Variants in CHD8 observed in about 807,000 individuals in gnomAD.
The protein encoded by CHD8 is ATP-dependent chromatin remodeler CHD8.
Under a neutral mutation model 279.2 loss-of-function variants are expected in CHD8, and 31 were observed. That is an observed-to-expected ratio of 0.11 (90% confidence interval 0.08 to 0.15). The LOEUF is 0.15. Among genes scored for constraint, CHD8 ranks in the 10% least tolerant of loss-of-function variants. The probability of loss-of-function intolerance (pLI) is 1.00; values close to 1 mark genes in which losing one functional copy is unlikely to be tolerated. For missense variants in CHD8, 2,146 were observed against 3,230.5 expected (o/e 0.66, Z 8.14); for synonymous variants, 1,081 against 1,139.6 (o/e 0.95, Z 1.04).
At chr14:21,395,228 C>T in intron 29 of CHD8, 70 bp downstream of exon 29, 1 of 1,529,374 alleles carries the variant, frequency 6.5e-7, no homozygotes, top group Admixed American at 1.8e-5. Context: ...CAGGATAGGA[C>T]AGAATTCAGT....
At chr14:21,394,245 T>TC (rs1333555574) in intron 31 of CHD8, 32 bp downstream of exon 31, 2 of 1,612,752 alleles carry the variant, frequency 1.2e-6, no homozygotes, top group African/African-American at 2.7e-5. Flanking sequence ...TCTGTTGGCA[T>TC]CCATCCTCAC....
Position 21,391,554 on chromosome 14 carries a change from A to G in CHD8, c.6974T>C (p.Leu2325Ser), listed in dbSNP as rs759875847. 1.2e-6 allele frequency: 2 copies of G among 1,613,894 alleles called. No individual in the cohort carries two copies. The highest frequency in any genetic ancestry group is 3.3e-5 in the Admixed American group (2 of 59,984). Reference sequence around the variant, plus strand: ...GCGAGGGGCATCCTCACCCACCAGCAAAGTACCATCCACCTTATTGATGAC... The same window carrying G: ...GCGAGGGGCATCCTCACCCACCAGCGAAGTACCATCCACCTTATTGATGAC... ...IPVINKVDGT[L>S]LVGEDAPRRA... Residue 2325 changes from leucine to serine, a missense_variant, in exon 36 of 38, where the codon TTG (leucine) becomes TCG (serine). Leu to Ser is a moderately radical substitution (Grantham distance 145). Transcript: ENST00000646647.
At chr14:21,451,738 A>C (rs2139576093) in intron 1 of CHD8, among the ~76,000 whole-genome samples, 1 of 152,212 alleles carries the variant, frequency 6.6e-6, no homozygotes, top group South Asian at 2.1e-4. Flanking sequence ...AGATATTTTG[A>C]AGTTGACCAT....
At chr14:21,428,836 C>G in intron 3 of CHD8, 128 bp downstream of exon 3, 1 of 750,126 alleles carries the variant, frequency 1.3e-6, no homozygotes. Flanking sequence ...AGAATTAAGT[C>G]TGCACCTCAG....
rs1375655827 is a variant in CHD8, at chr14:21,415,537, ATAAATAAAAAT to A, written c.1968+26_1968+36del. 62 of 1,042,522 alleles carry A rather than the reference ATAAATAAAAAT, an allele frequency of 5.9e-5. 1 individual carries two copies. In the African/African-American group the frequency reaches 1.1e-3, roughly 19 times the overall value. The allele number at this position is 1,042,522 out of a possible 1,614,324, so 64.6% of individuals were successfully genotyped here. ...AATAAATAAATAAATAAATAAATAA[ATAAATAAAAAT>A]AATAATAATAATAAAAAGCCCTCAC... On this transcript the variant is annotated intron_variant, in intron 7 of 37. Transcript: ENST00000646647.
At position 21,401,404 on chromosome 14, in the gene CHD8, T is replaced by C; in HGVS notation, c.4172A>G (p.Lys1391Arg). The C allele has an allele frequency of 6.4e-7, 1 of 1,568,818 alleles. No individual in the cohort carries two copies. The highest frequency in any genetic ancestry group is 8.6e-7 in the Non-Finnish European group (1 of 1,156,504). Reference sequence around the variant, plus strand: ...TCCTCCCTAAAAGAAGAAACTCACCTTGCTGTTGAGCAGATCCATGTCTAG... The same window carrying C: ...TCCTCCCTAAAAGAAGAAACTCACCCTGCTGTTGAGCAGATCCATGTCTAG... ...ADLDMDLLNS[K>R]NNLVIDTPRV... Residue 1391 changes from lysine to arginine, a missense_variant and splice_region_variant, in exon 21 of 38, where the codon AAG becomes AGG. By Grantham distance (26) the Lys-to-Arg change is conservative. Coordinates refer to ENST00000646647, the MANE Select transcript of CHD8 (RefSeq NM_001170629.2).
intron 13 of CHD8, among the ~76,000 whole-genome samples, 151 bp from the exon 14 acceptor site, chr14:21,407,183 T>C (rs1458343357): frequency 1.3e-5 from 2 of 152,120 alleles, no homozygotes; most frequent in Non-Finnish European, 2.9e-5. Context: ...TCCTGAAAAA[T>C]AGTGCCATAT....
Position 21,429,102 on chromosome 14 carries a change from T to C in CHD8, c.1077A>G (p.Ser359=). 1 of 1,613,906 alleles carries C rather than the reference T, an allele frequency of 6.2e-7. No homozygotes were observed. The highest frequency in any genetic ancestry group is 8.5e-7 in the Non-Finnish European group (1 of 1,179,868). ...QKIQIVPQPP[S]SQPQPQQPPS... ...GTGGCTGCTGGGGCTGTGGCTGCGA[T>C]GATGGTGGTTGTGGTACAATCTGGA... Residue 359 remains serine, a synonymous_variant, in exon 3 of 38, where the codon TCA becomes TCG. Transcript: ENST00000646647.
intron 1 of CHD8, among the ~76,000 whole-genome samples, chr14:21,443,730 C>A (rs888068344): frequency 6.6e-6 from 1 of 151,702 alleles, no homozygotes; most frequent in Non-Finnish European, 1.5e-5. Context: ...GTGGTGGGCG[C>A]CTGTATTCCC....
intron 34 of CHD8, chr14:21,392,279 C>T (rs1194045012): frequency 1.3e-6 from 1 of 756,042 alleles, no homozygotes; most frequent in African/African-American, 1.7e-5. Flanking sequence ...CCTAAGCATA[C>T]TAATTTAAGA....
intron 1 of CHD8, chr14:21,436,892 G>C: frequency 8.0e-7 from 1 of 1,250,362 alleles, no homozygotes. Context: ...GGGGACCCGG[G>C]TACATTACCT....
rs761625839 is a variant in CHD8 at position 21,403,250 on chromosome 14, A to G, written c.3519-38T>C. The stretch of plus-strand genomic sequence containing the variant: ...CGCAGAAAAAAAATGTAAGTGGCTA[A>G]GCAGAAGTGGAGACCAAAACAGCAG... On this transcript the variant is annotated intron_variant, in intron 17 of 37. Transcript: ENST00000646647. The surrounding 1 kb of genome is among the most constrained non-coding windows in gnomAD (Gnocchi z 4.3). 1 of 1,595,868 alleles carries G rather than the reference A, an allele frequency of 6.3e-7. No individual in the cohort carries two copies. Among genetic ancestry groups the G allele is most frequent in the Non-Finnish European group, 8.6e-7 (1 of 1,167,506 alleles).
chr14:21,412,398 C>T (rs2139491178), intron 10 of CHD8, among the ~76,000 whole-genome samples: 1 of 152,136 alleles, frequency 6.6e-6, no homozygotes, highest in East Asian at 1.9e-4. Context: ...CCCACCTCAG[C>T]CTCCCAAAGT....
chr14:21,448,489 T>C (rs1420177808), intron 1 of CHD8, among the ~76,000 whole-genome samples: 1 of 152,206 alleles, frequency 6.6e-6, no homozygotes, highest in African/African-American at 2.4e-5. Context: ...GGCACAGCTT[T>C]AACAGGCTAC....
intron 37 of CHD8, among the ~76,000 whole-genome samples, chr14:21,386,657 G>T (rs1039163895): frequency 2.0e-5 from 3 of 152,130 alleles, no homozygotes; most frequent in Admixed American, 6.5e-5. Flanking sequence ...CTAACACGGT[G>T]AAACCCGGTC....
At chr14:21,437,067 G>A (rs370201172) in intron 1 of CHD8, 5 of 719,026 alleles carry the variant, frequency 7.0e-6, no homozygotes, top group East Asian at 1.4e-4. Flanking sequence ...GATGCGGGGG[G>A]TGGGGGGTGT....
At position 21,449,581 on chromosome 14, in the gene CHD8, C is replaced by T. The variant is rs1421910680; in HGVS notation, c.-216+6451G>A. 3.9e-5 allele frequency among the ~76,000 whole-genome samples: 6 copies of T among 152,144 alleles called. No homozygotes were observed. The East Asian group carries it at 7.7e-4, about 20-fold the overall frequency. The stretch of plus-strand genomic sequence containing the variant: ...CAGGATGAAAGGACTCCAGTACTAC[C>T]GTGCTGAGAAAGCAGCACAAGTCTT... On this transcript the variant is annotated intron_variant, in intron 1 of 37. Transcript: ENST00000646647.
chr14:21,410,097 A>C (rs936150410), intron 10 of CHD8, 109 bp from the exon 11 acceptor site: 34 of 1,102,240 alleles, frequency 3.1e-5, no homozygotes, highest in Non-Finnish European at 8.7e-6. Flanking sequence ...CAGTACCTAG[A>C]AGCCGTTGAA....
Position 21,385,898 on chromosome 14 carries a change from G to A in CHD8, c.7461C>T (p.Asp2487=). The change falls in exon 38 of 38, where the codon GAC becomes GAT. Residue 2487 remains aspartate (D), a synonymous_variant. Transcript: ENST00000646647. ...MGGAPSSPHV[D]SSTMLHHHHH... ...GGTGGTGATGAAGCATGGTGCTGGAGTCTACATGAGGGGATGATGGTGCAC... is the reference window on the plus strand; with the variant it reads ...GGTGGTGATGAAGCATGGTGCTGGAATCTACATGAGGGGATGATGGTGCAC... 1 of 1,551,904 alleles carries A rather than the reference G, an allele frequency of 6.4e-7. No individual in the cohort carries two copies. The highest frequency in any genetic ancestry group is 8.7e-7 in the Non-Finnish European group (1 of 1,147,218).
Sources: allele counts gnomAD v4.1 joint callset (sites outside exome capture counted in the v4.1 genomes callset), GRCh38; gene constraint gnomAD v4.1.1; non-coding constraint Gnocchi (gnomAD v3.1); transcripts MANE v1.5; gene names NCBI Gene and HGNC (gene_info 2026-07-23, HGNC 2026-07-21).